ADGRL3: variants seen among roughly 807,000 people sequenced by gnomAD.
ADGRL3 encodes the protein calcium-independent alpha-latrotoxin receptor 3.
ADGRL3 carries 62 observed loss-of-function variants against 153.5 expected under a neutral mutation model. The ratio of observed to expected loss-of-function variants is 0.40; its 90% CI spans 0.33 to 0.50. ADGRL3 has a LOEUF of 0.50. Ranked by LOEUF, ADGRL3 falls within the 20% of genes least tolerant of loss-of-function variation. ADGRL3 has a pLI of 0.47. For synonymous variants in ADGRL3, 710 were observed against 672.5 expected (o/e 1.06, Z -0.86); for missense variants, 1,641 against 1,859.4 (o/e 0.88, Z 2.16).
intron 17 of ADGRL3, among the ~76,000 whole-genome samples, chr4:61,951,731 G>A (rs2098948090): frequency 6.6e-6 from 1 of 152,092 alleles, no homozygotes; most frequent in African/African-American, 2.4e-5. Context: ...TGGGCGTGAT[G>A]GTGCATGCCT....
intron 9 of ADGRL3, among the ~76,000 whole-genome samples, chr4:61,892,046 T>C (rs943772675): frequency 9.9e-5 from 15 of 152,150 alleles, no homozygotes; most frequent in African/African-American, 3.4e-4. Context: ...AAAATCAAAT[T>C]TGAAAATTGT....
chr4:61,598,657 C>T (rs1324768550), intron 5 of ADGRL3, among the ~76,000 whole-genome samples: 1 of 152,126 alleles, frequency 6.6e-6, no homozygotes, highest in Non-Finnish European at 1.5e-5. Flanking sequence ...AACACATTTA[C>T]ACACATACGA....
At chr4:61,298,296 A>G (rs1300329166) in intron 1 of ADGRL3, among the ~76,000 whole-genome samples, 1 of 152,174 alleles carries the variant, frequency 6.6e-6, no homozygotes, top group Non-Finnish European at 1.5e-5. Context: ...ATTCAAGGGA[A>G]TAGAATTAGA....
chr4:61,844,286 G>A (rs925913325), intron 9 of ADGRL3, among the ~76,000 whole-genome samples: 8 of 150,974 alleles, frequency 5.3e-5, no homozygotes, highest in Non-Finnish European at 7.4e-5. Flanking sequence ...GGTGGCTCAC[G>A]CCTGTAATCC....
chr4:61,415,263 A>T (rs2097133167), intron 2 of ADGRL3, among the ~76,000 whole-genome samples: 1 of 151,994 alleles, frequency 6.6e-6, no homozygotes, highest in Admixed American at 6.5e-5. Flanking sequence ...ATACCAATAC[A>T]TTCATGGTTG....
intron 4 of ADGRL3, among the ~76,000 whole-genome samples, chr4:61,544,256 TA>T (rs2148683227): frequency 6.6e-6 from 1 of 152,362 alleles, no homozygotes; most frequent in Non-Finnish European, 1.5e-5. Flanking sequence ...AGTTTTCTGA[TA>T]TTTTTTATAT....
intron 5 of ADGRL3, among the ~76,000 whole-genome samples, chr4:61,674,030 C>T (rs2095097624): frequency 6.6e-6 from 1 of 151,208 alleles, no homozygotes; most frequent in Non-Finnish European, 1.5e-5. Context: ...TTGGAACTCA[C>T]AATGGTAACT....
chr4:61,836,591 AT>A (rs1315651038), intron 9 of ADGRL3, among the ~76,000 whole-genome samples: 1 of 152,080 alleles, frequency 6.6e-6, no homozygotes, highest in Non-Finnish European at 1.5e-5. Flanking sequence ...ATAATTTCAA[AT>A]CAAGAGACAT....
At chr4:61,463,446 C>A (rs951534076) in intron 2 of ADGRL3, among the ~76,000 whole-genome samples, 63 of 152,154 alleles carry the variant, frequency 4.1e-4, no homozygotes, top group African/African-American at 1.5e-3. Flanking sequence ...CTTTTAACAA[C>A]CAGATCTCTT....
Position 62,072,608 on chromosome 4 carries a change from ACAGGTTTGCAGACAAAGTAAAC to A in ADGRL3, c.*1704_*1725del, listed in dbSNP as rs1455944647. The A allele has an allele frequency of 6.6e-6, 1 of 152,270 alleles. No homozygotes were observed. The highest frequency in any genetic ancestry group is 2.4e-5 in the African/African-American group (1 of 41,460). 9.4% of individuals were successfully genotyped at this position (152,270 alleles called of 1,614,324 possible). ...ATGAATAAGCTAAGCACAAAATCAT[ACAGGTTTGCAGACAAAGTAAAC>A]CAGAAAAATGGAATGGGCATGTTTA... On this transcript the variant is annotated 3_prime_UTR_variant, in exon 27 of 27. Coordinates refer to ENST00000683033, the MANE Select transcript of ADGRL3 (RefSeq NM_001387552.1).
chr4:61,381,954 T>A (rs1334342902), intron 1 of ADGRL3, among the ~76,000 whole-genome samples: 1 of 151,992 alleles, frequency 6.6e-6, no homozygotes, highest in Non-Finnish European at 1.5e-5. Context: ...TACAGTGAGT[T>A]TCATTGCTTT....
intron 15 of ADGRL3, among the ~76,000 whole-genome samples, chr4:61,938,604 G>A (rs1170358806): frequency 6.6e-6 from 1 of 152,102 alleles, no homozygotes; most frequent in African/African-American, 2.4e-5. Flanking sequence ...GCTGCCGCAA[G>A]TGAACTCTGT....
chr4:61,825,051 C>T (rs1475727977), intron 9 of ADGRL3, among the ~76,000 whole-genome samples: 1 of 152,136 alleles, frequency 6.6e-6, no homozygotes, highest in Non-Finnish European at 1.5e-5. Flanking sequence ...CTCTCAATGC[C>T]AAGAAGCACT....
At chr4:61,455,321 TA>T (rs1335521232) in intron 2 of ADGRL3, among the ~76,000 whole-genome samples, 1 of 152,202 alleles carries the variant, frequency 6.6e-6, no homozygotes, top group African/African-American at 2.4e-5. Flanking sequence ...AACTTTGGAA[TA>T]TTTTCAAAGT....
intron 2 of ADGRL3, among the ~76,000 whole-genome samples, chr4:61,492,354 A>G (rs2098267961): frequency 6.6e-6 from 1 of 152,132 alleles, no homozygotes; most frequent in Admixed American, 6.6e-5. Context: ...TTTCTTGTCT[A>G]TGATATTATG....
chr4:61,249,821 A>T (rs551524281), intron 1 of ADGRL3, among the ~76,000 whole-genome samples: 4 of 152,290 alleles, frequency 2.6e-5, no homozygotes, highest in African/African-American at 9.6e-5. Flanking sequence ...TGGCTTTCTC[A>T]TGGTAGTTTT....
At chr4:61,672,116 C>G (rs1175721925) in intron 5 of ADGRL3, among the ~76,000 whole-genome samples, 7 of 152,010 alleles carry the variant, frequency 4.6e-5, no homozygotes, top group Non-Finnish European at 1.0e-4. Flanking sequence ...GTCATATTCC[C>G]CCAAAATTGC....
intron 13 of ADGRL3, among the ~76,000 whole-genome samples, chr4:61,923,487 T>G (rs2098779802): frequency 6.6e-6 from 1 of 152,130 alleles, no homozygotes; most frequent in Admixed American, 6.5e-5. Flanking sequence ...AGTATCAGAC[T>G]CCTGTTGCTA....
chr4:61,744,024 C>T (rs1320773713), intron 8 of ADGRL3, among the ~76,000 whole-genome samples: 1 of 152,186 alleles, frequency 6.6e-6, no homozygotes, highest in African/African-American at 2.4e-5. Flanking sequence ...CTGAGCTTTT[C>T]CGATGGGCTT....
Sources: gnomAD v4.1 joint callset for allele counts (sites outside exome capture counted in the v4.1 genomes callset) on GRCh38, gnomAD v4.1.1 for gene constraint, MANE v1.5 for transcripts, NCBI Gene and HGNC (gene_info 2026-07-23, HGNC 2026-07-21) for gene names.